The following SHF variants were observed in gnomAD, a reference collection of about 807,000 sequenced individuals.
The protein encoded by SHF is Src homology 2 domain containing F, also known as SH2 domain-containing adapter protein F.
In SHF, 30 loss-of-function variants were observed where a neutral mutation model predicts 42.4. That is an observed-to-expected ratio of 0.71 (90% CI 0.53 to 0.96). The LOEUF (loss-of-function observed/expected upper bound fraction) is 0.96. Among genes scored for constraint, SHF ranks in the 40% least tolerant of loss-of-function variants. The pLI, the probability that SHF is intolerant of heterozygous loss-of-function variation, is 0.00. For missense variants in SHF, 598 were observed against 634.0 expected (o/e 0.94, Z 0.61); for synonymous variants, 264 against 269.9 (o/e 0.98, Z 0.21).
intron 3 of SHF, among the ~76,000 whole-genome samples, 182 bp from the exon 4 acceptor site, chr15:45,173,898 G>A (rs368360500): frequency 1.3e-5 from 2 of 152,194 alleles, no homozygotes; most frequent in East Asian, 1.9e-4. Flanking sequence ...CAGAGCCAAC[G>A]TTGACCACAC....
intron 2 of SHF, among the ~76,000 whole-genome samples, chr15:45,177,257 A>G (rs1462193358): frequency 6.6e-6 from 1 of 152,146 alleles, no homozygotes; most frequent in Non-Finnish European, 1.5e-5. Context: ...GGATGGGGAC[A>G]AGCTCTGGCT....
intron 1 of SHF, among the ~76,000 whole-genome samples, chr15:45,182,869 A>C (rs1898201477): frequency 6.6e-6 from 1 of 152,146 alleles, no homozygotes; most frequent in Admixed American, 6.5e-5. Context: ...CTCCTATTTT[A>C]TCTGAGAAAT....
At chr15:45,182,458 A>G (rs1343484369) in intron 1 of SHF, among the ~76,000 whole-genome samples, 1 of 152,226 alleles carries the variant, frequency 6.6e-6, no homozygotes, top group Non-Finnish European at 1.5e-5. Flanking sequence ...AGTGCTGAAT[A>G]AATGTTAGCT....
At chr15:45,201,054 T>TG in exon 1 of SHF, 2 of 348,446 alleles carry the variant, frequency 5.7e-6, no homozygotes, top group South Asian at 4.3e-5. Context: ...GGGAGGAACC[T>TG]GGTAGATAAT....
upstream of SHF, among the ~76,000 whole-genome samples, chr15:45,190,123 C>A (rs1051369025): frequency 6.6e-6 from 1 of 152,144 alleles, no homozygotes; most frequent in South Asian, 2.1e-4. Flanking sequence ...GGGTGGGGTC[C>A]CAGGTGATAC....
chr15:45,168,464 C>G (rs918480610), intron 6 of SHF, among the ~76,000 whole-genome samples: 3 of 152,220 alleles, frequency 2.0e-5, no homozygotes, highest in African/African-American at 7.2e-5. Context: ...GGCACCCCGG[C>G]CCTCCAGCCT....
upstream of SHF, among the ~76,000 whole-genome samples, chr15:45,189,578 T>TG (rs1340509595): frequency 6.6e-6 from 1 of 151,852 alleles, no homozygotes; most frequent in Non-Finnish European, 1.5e-5. Context: ...TTAGTAGAGA[T>TG]GGAGTTTCAC....
chr15:45,177,476 C>A (rs1033051569), intron 2 of SHF, among the ~76,000 whole-genome samples: 3 of 152,182 alleles, frequency 2.0e-5, no homozygotes, highest in African/African-American at 7.2e-5. Context: ...TTCATCATGG[C>A]TCCACTCCCC....
At chr15:45,190,250 A>T (rs1392811592), upstream of SHF, among the ~76,000 whole-genome samples, 2 of 152,236 alleles carry the variant, frequency 1.3e-5, no homozygotes, top group Non-Finnish European at 2.9e-5. Context: ...GCATATTTTT[A>T]AAATGTGCAG....
chr15:45,184,847 G>C (rs1283362865), intron 1 of SHF, among the ~76,000 whole-genome samples: 4 of 152,244 alleles, frequency 2.6e-5, no homozygotes, highest in African/African-American at 9.6e-5. Context: ...TGCAGGGCGC[G>C]GCTCCTGCTG....
At chr15:45,200,115 T>C (rs1193109331) in intron 1 of SHF, among the ~76,000 whole-genome samples, 7 of 152,206 alleles carry the variant, frequency 4.6e-5, no homozygotes, top group Non-Finnish European at 1.0e-4. Context: ...CTAAGCCTTC[T>C]TTTCCTATCA....
Position 45,178,166 on chromosome 15 carries a change from G to A in SHF, c.639C>T (p.Ala213=), listed in dbSNP as rs150508860. 1.4e-4 allele frequency: 225 copies of A among 1,612,058 alleles called. 1 individual carries two copies. The highest frequency in any genetic ancestry group is 4.8e-4 in the South Asian group (44 of 90,954). The change falls in exon 2 of 7, where the codon GCC becomes GCT. Residue 213 remains alanine, a splice_region_variant and synonymous_variant. Coordinates refer to ENST00000690270, the MANE Select transcript of SHF (RefSeq NM_001394037.1). ...MEPYEAQKMM[A]EIRGSKETAT... ...ACCTCCCCTGCCCCTGTCACTCACC[G>A]GCCATCATCTTTTGAGCCTCATAGG...
intron 1 of SHF, 111 bp from the exon 2 acceptor site, chr15:45,178,417 C>T (rs1166502656): frequency 7.8e-7 from 1 of 1,277,800 alleles, no homozygotes. Context: ...TGCCTTCGAC[C>T]CAGACCCCCA....
intron 6 of SHF, among the ~76,000 whole-genome samples, chr15:45,169,579 G>A (rs1429851704): frequency 1.3e-5 from 2 of 152,254 alleles, no homozygotes; most frequent in Non-Finnish European, 1.5e-5. Context: ...GCTGTGGGCA[G>A]CAGCATGGGC....
intron 1 of SHF, among the ~76,000 whole-genome samples, chr15:45,184,855 C>T (rs1034532705): frequency 2.0e-5 from 3 of 152,258 alleles, no homozygotes; most frequent in Non-Finnish European, 4.4e-5. Context: ...GCGGCTCCTG[C>T]TGCTCCCACA....
intron 2 of SHF, among the ~76,000 whole-genome samples, chr15:45,197,580 C>T (rs1898905571): frequency 1.3e-5 from 2 of 152,206 alleles, no homozygotes. Context: ...TGCTTCCTAA[C>T]AGAGCCCAGG....
chr15:45,187,987 CGGGTGGG>C, upstream of SHF: 1 of 683,940 alleles, frequency 1.5e-6, no homozygotes, highest in Non-Finnish European at 1.7e-6. Flanking sequence ...AGCGCAGCGG[CGGGTGGG>C]GGGCGGGGGC....
intron 1 of SHF, among the ~76,000 whole-genome samples, chr15:45,199,439 G>C (rs1053676734): frequency 1.3e-5 from 2 of 152,188 alleles, no homozygotes; most frequent in Non-Finnish European, 2.9e-5. Context: ...GAATTCCAGA[G>C]AGAACACCTG....
intron 3 of SHF, 100 bp from the exon 4 acceptor site, chr15:45,173,816 G>A (rs1897653082): frequency 2.2e-6 from 3 of 1,349,136 alleles, no homozygotes; most frequent in Non-Finnish European, 3.1e-6. Flanking sequence ...ACACAGGACA[G>A]CCTAGAAATG....
Sources: allele counts gnomAD v4.1 joint callset (sites outside exome capture counted in the v4.1 genomes callset), GRCh38; gene constraint gnomAD v4.1.1; transcripts MANE v1.5; gene names NCBI Gene and HGNC (gene_info 2026-07-23, HGNC 2026-07-21).